The following ZNF99 variants were observed in gnomAD, a reference collection of about 807,000 sequenced individuals.
ZNF99 encodes zinc finger protein 99, also known as zinc finger protein ENSP00000375192.
Under a neutral mutation model 12.8 loss-of-function variants are expected in ZNF99, and 8 were observed. The ratio of observed to expected loss-of-function variants is 0.62; its 90% CI spans 0.37 to 1.13. The LOEUF is 1.13. Among genes scored for constraint, ZNF99 ranks in the 50% most tolerant of loss-of-function variants. The pLI is 0.02. For synonymous variants in ZNF99, 318 were observed against 319.0 expected, an observed-to-expected ratio of 1.00 and a Z score of 0.03; for missense variants, 1,007 against 1,006.2, an observed-to-expected ratio of 1.00 and a Z score of -0.01.
rs1973237113 is a variant in ZNF99, at chr19:22,769,130, A to C, written c.130+68T>G. The C allele has an allele frequency of 3.3e-6, 5 of 1,514,656 alleles. No homozygotes were observed. The South Asian group carries it at 3.6e-5, about 11-fold the overall frequency. 93.8% of individuals were successfully genotyped at this position (1,514,656 alleles called of 1,614,324 possible). ...TGCTAAGCATAAATCACCAAAACACATCCTACAGAAAAGAGAAATGAAACC... is the reference window on the plus strand; with the variant it reads ...TGCTAAGCATAAATCACCAAAACACCTCCTACAGAAAAGAGAAATGAAACC... On this transcript the variant is annotated intron_variant, in intron 2 of 3. Coordinates refer to ENST00000596209, the MANE Select transcript of ZNF99 (RefSeq NM_001080409.3).
At position 22,758,028 on chromosome 19, in the gene ZNF99, G is replaced by C. The variant is rs752162685; in HGVS notation, c.1881C>G (p.Gly627=). 1.9e-6 allele frequency: 3 copies of C among 1,609,440 alleles called. No individual in the cohort carries two copies. Among genetic ancestry groups the C allele is most frequent in the Middle Eastern group, 1.7e-4 (1 of 6,056 alleles). ...GGGTTGAGGACTGGCTAAAAGCTTTGCCACATTCTTCACATTTGTAGGGTT... is the reference window on the plus strand; with the variant it reads ...GGGTTGAGGACTGGCTAAAAGCTTTCCCACATTCTTCACATTTGTAGGGTT... ...GKKPYKCEEC[G]KAFSQSSTLR... is the part of the protein sequence containing the mutation. The change falls in exon 4 of 4, where the codon GGC becomes GGG. Residue 627 remains glycine (G), a synonymous_variant. Coordinates refer to ENST00000596209, the MANE Select transcript of ZNF99 (RefSeq NM_001080409.3).
rs1296602496 is a variant in ZNF99 at position 22,758,135 on chromosome 19, G to T, written c.1774C>A (p.Pro592Thr). ...RHKAIHTGEK[P>T]YKCEECGKAF... The stretch of plus-strand genomic sequence containing the variant: ...TTGCCACATTCTTCACATTTGTAGG[G>T]TTTCTCCCCAGTATGAATTGCTTTA... The change falls in exon 4 of 4, where the codon CCC becomes ACC. Residue 592 changes from proline to threonine, a missense_variant. By Grantham distance (38) the Pro-to-Thr change is conservative. Coordinates refer to ENST00000596209, the MANE Select transcript of ZNF99 (RefSeq NM_001080409.3). 1.2e-6 allele frequency: 2 copies of T among 1,613,584 alleles called. No individual in the cohort carries two copies. Among genetic ancestry groups the T allele is most frequent in the Admixed American group, 3.3e-5 (2 of 59,992 alleles).
chr19:22,756,497 G>C lies in ZNF99; in HGVS notation c.*817C>G, dbSNP rs367594554. 3.1e-6 allele frequency: 5 copies of C among 1,591,138 alleles called. No homozygotes were observed. In the South Asian group the frequency reaches 4.4e-5, roughly 14 times the overall value. ...TGAATTATCCTATGTTTAGTAAGGC[G>C]TGAGAAATGGCTAAAAGCTTTGCCA... On this transcript the variant is annotated 3_prime_UTR_variant, in exon 4 of 4. Coordinates refer to ENST00000596209, the MANE Select transcript of ZNF99 (RefSeq NM_001080409.3).
At chr19:22,770,351 T>A (rs1330746075) in intron 1 of ZNF99, 1 of 147,170 alleles carries the variant, frequency 6.8e-6, no homozygotes, top group Non-Finnish European at 1.5e-5. Flanking sequence ...TGAAAAAACC[T>A]GTCAGACAGC....
In ZNF99 at chr19:22,759,380, T is replaced by G. The variant is rs1973124429; in HGVS notation, c.529A>C (p.Lys177Gln). ...HTKKKTFKCMKCSKSFFMLSH... is the reference protein window; with the variant it reads ...HTKKKTFKCMQCSKSFFMLSH... ...AGCATGAAAAATGATTTGCTACATT[T>G]CATACATTTGAAAGTTTTCTTTTTA... Residue 177 changes from lysine (K) to glutamine (Q), a missense_variant, in exon 4 of 4, where the codon AAA (lysine) becomes CAA (glutamine). Transcript: ENST00000596209. The G allele has an allele frequency of 2.6e-6, 4 of 1,556,898 alleles. No homozygotes were observed. The highest frequency in any genetic ancestry group is 1.7e-6 in the Non-Finnish European group (2 of 1,150,562).
chr19:22,776,560 C>A (rs1973331111), intron 1 of ZNF99, among the ~76,000 whole-genome samples: 1 of 150,584 alleles, frequency 6.6e-6, no homozygotes, highest in African/African-American at 2.4e-5. Context: ...ATGGCTATTA[C>A]TACAAAGTCA....
rs192630734 is a variant in ZNF99, at chr19:22,780,572, T to C, written c.3+3442A>G. Among the ~76,000 whole-genome samples the C allele has an allele frequency of 3.4e-3, 522 of 151,644 alleles. 4 individuals are homozygous for C. Among genetic ancestry groups the C allele is most frequent in the African/African-American group, 0.012 (510 of 41,304 alleles). The stretch of plus-strand genomic sequence containing the variant: ...GCGGCGTGGTGGCACATATCTGTAA[T>C]CCCAGCTACTCGGGAGGCTGAGGCA... On this transcript the variant is annotated intron_variant, in intron 1 of 3. Transcript: ENST00000596209.
intron 3 of ZNF99, among the ~76,000 whole-genome samples, chr19:22,762,732 T>G (rs1194992129): frequency 6.6e-6 from 1 of 152,020 alleles, no homozygotes; most frequent in Non-Finnish European, 1.5e-5. Flanking sequence ...GATGCTAAAA[T>G]CCTTAACAAA....
At position 22,759,426 on chromosome 19, in the gene ZNF99, A is replaced by G. The variant is rs747979849; in HGVS notation, c.483T>C (p.Asn161=). ...VKVFHKYSNS[N]RYKIRHTKKK... ...TTTTAGTGTGTCTAATCTTATATCT[A>G]TTTGAATTTGAATATTTATGAAAGA... The change falls in exon 4 of 4, where the codon AAT becomes AAC. Residue 161 remains asparagine, a synonymous_variant. Transcript: ENST00000596209. The G allele has an allele frequency of 2.5e-6, 4 of 1,584,012 alleles. No homozygotes were observed. Among genetic ancestry groups the G allele is most frequent in the Non-Finnish European group, 3.4e-6 (4 of 1,164,980 alleles).
At chr19:22,767,696 A>C (rs1973219514) in intron 3 of ZNF99, among the ~76,000 whole-genome samples, 1 of 152,214 alleles carries the variant, frequency 6.6e-6, no homozygotes, top group African/African-American at 2.4e-5. Context: ...TTTCAATAAT[A>C]ATAGAAAATT....
intron 1 of ZNF99, among the ~76,000 whole-genome samples, chr19:22,776,130 C>T (rs1973323632): frequency 6.6e-6 from 1 of 151,756 alleles, no homozygotes; most frequent in South Asian, 2.1e-4. Context: ...GAGGGAAGAT[C>T]ACTTGAGATC....
Position 22,757,224 on chromosome 19 carries a change from T to A in ZNF99, c.*90A>T. 1 of 1,588,138 alleles carries A rather than the reference T, an allele frequency of 6.3e-7. No individual in the cohort carries two copies. The highest frequency in any genetic ancestry group is 8.6e-7 in the Non-Finnish European group (1 of 1,162,570). Reference sequence around the variant, plus strand: ...TCACATTTGTATGGTTTCTTCCCAGTATAAATTATCTTATGTTTCCTAAGG... The same window carrying A: ...TCACATTTGTATGGTTTCTTCCCAGAATAAATTATCTTATGTTTCCTAAGG... On this transcript the variant is annotated 3_prime_UTR_variant, in exon 4 of 4. Coordinates refer to ENST00000596209, the MANE Select transcript of ZNF99 (RefSeq NM_001080409.3).
chr19:22,758,989 T>C lies in ZNF99; in HGVS notation c.920A>G (p.His307Arg). ...SSHLTRHKAI[H>R]TGEKPYKCEE... Reference sequence around the variant, plus strand: ...GCATTTGTAGGGTTTCTCTCCAGTATGAATTGCTTTATGTCTAGTAAGGTG... The same window carrying C: ...GCATTTGTAGGGTTTCTCTCCAGTACGAATTGCTTTATGTCTAGTAAGGTG... The change falls in exon 4 of 4, where the codon CAT becomes CGT. Residue 307 changes from histidine to arginine, a missense_variant. Transcript: ENST00000596209. The C allele has an allele frequency of 2.5e-6, 4 of 1,613,970 alleles. No individual in the cohort carries two copies. Among genetic ancestry groups the C allele is most frequent in the Non-Finnish European group, 2.5e-6 (3 of 1,179,920 alleles).
chr19:22,771,680 C>T (rs1348139284), intron 1 of ZNF99, among the ~76,000 whole-genome samples: 2 of 148,804 alleles, frequency 1.3e-5, no homozygotes, highest in Non-Finnish European at 3.0e-5. Context: ...CTTGAGTATC[C>T]ACACCTTCCC....
chr19:22,781,403 CTTT>C (rs35970718), intron 1 of ZNF99, among the ~76,000 whole-genome samples: 95 of 87,954 alleles, frequency 1.1e-3, no homozygotes, highest in African/African-American at 3.5e-3. Context: ...ATTGGGGTCA[CTTT>C]TTTTTTTTTT....
chr19:22,758,410 T>G lies in ZNF99; in HGVS notation c.1499A>C (p.Lys500Thr), dbSNP rs879012165. The G allele has an allele frequency of 1.9e-6, 3 of 1,605,050 alleles. No homozygotes were observed. Among genetic ancestry groups the G allele is most frequent in the Non-Finnish European group, 2.6e-6 (3 of 1,173,928 alleles). The change falls in exon 4 of 4, where the codon AAG (lysine) becomes ACG (threonine). Residue 500 changes from lysine (K) to threonine (T), a missense_variant. By Grantham distance (78) the Lys-to-Thr change is moderately conservative. Coordinates refer to ENST00000596209, the MANE Select transcript of ZNF99 (RefSeq NM_001080409.3). Reference sequence around the variant, plus strand: ...AGGTTTCTCTTCCATATGAATTACCTTATGTACAGTAAGTTTTGAGGACCA... The same window carrying G: ...AGGTTTCTCTTCCATATGAATTACCGTATGTACAGTAAGTTTTGAGGACCA... ...FKWSSKLTVH[K>T]VIHMEEKPCK...
intron 3 of ZNF99, among the ~76,000 whole-genome samples, chr19:22,761,881 G>C (rs1256119610): frequency 6.6e-6 from 1 of 152,102 alleles, no homozygotes. Flanking sequence ...ACCTGCTCCT[G>C]AATAATCATT....
chr19:22,769,288 C>G lies in ZNF99; in HGVS notation c.40G>C (p.Ala14Pro). The change falls in exon 2 of 4, where the codon GCT becomes CCT. Residue 14 changes from alanine to proline, a missense_variant. By Grantham distance (27) the Ala-to-Pro change is conservative. Transcript: ENST00000596209. ...LTFWDVTIEF[A>P]LEEWQCLDMA... ...TCCAGGCATTGCCACTCCTCCAGAG[C>G]GAATTCTATGGTCACATCCCAAAAT... 1 of 1,608,906 alleles carries G rather than the reference C, an allele frequency of 6.2e-7. No homozygotes were observed. Among genetic ancestry groups the G allele is most frequent in the Non-Finnish European group, 8.5e-7 (1 of 1,177,318 alleles).
chr19:22,769,597 C>A (rs1284327776), intron 1 of ZNF99, among the ~76,000 whole-genome samples: 1 of 151,966 alleles, frequency 6.6e-6, no homozygotes, highest in African/African-American at 2.4e-5. Flanking sequence ...GAAACCCCGT[C>A]TCTACTAAAA....
Sources: allele counts gnomAD v4.1 joint callset (sites outside exome capture counted in the v4.1 genomes callset), GRCh38; gene constraint gnomAD v4.1.1; transcripts MANE v1.5; gene names NCBI Gene and HGNC (gene_info 2026-07-23, HGNC 2026-07-21).